ZMYM2: variants seen among roughly 807,000 people sequenced by gnomAD.
ZMYM2 encodes zinc finger MYM-type protein 2.
A neutral mutation model predicts 162.8 loss-of-function variants in ZMYM2; 56 were observed. That is an observed-to-expected ratio of 0.34 (90% CI 0.28 to 0.43). The LOEUF is 0.43. Ranked by LOEUF, ZMYM2 falls within the 20% of genes least tolerant of loss-of-function variation. The pLI, the probability that ZMYM2 is intolerant of heterozygous loss-of-function variation, is 1.00. For synonymous variants in ZMYM2, 510 were observed against 541.6 expected (o/e 0.94, Z 0.81); for missense variants, 1,275 against 1,621.8 (o/e 0.79, Z 3.67).
chr13:19,971,262 ATTTTTT>A (rs67460005), intron 2 of ZMYM2, among the ~76,000 whole-genome samples: 137 of 78,298 alleles, frequency 1.7e-3, no homozygotes, highest in East Asian at 5.1e-3. Flanking sequence ...ATATATATAT[ATTTTTT>A]TTTTTTTTTT....
At chr13:20,044,516 C>A (rs1954579023) in intron 12 of ZMYM2, among the ~76,000 whole-genome samples, 1 of 152,172 alleles carries the variant, frequency 6.6e-6, no homozygotes, top group African/African-American at 2.4e-5. Context: ...TACTCTCAGT[C>A]CCTCCGGGGC....
At chr13:19,959,254 C>T (rs1294546417) in intron 1 of ZMYM2, among the ~76,000 whole-genome samples, 5 of 111,622 alleles carry the variant, frequency 4.5e-5, no homozygotes, top group East Asian at 3.2e-4. Flanking sequence ...TTCTCTCCGG[C>T]GGGGGGCGGG....
At chr13:19,957,826 C>G (rs375250498), upstream of ZMYM2, among the ~76,000 whole-genome samples, 1 of 152,232 alleles carries the variant, frequency 6.6e-6, no homozygotes, top group African/African-American at 2.4e-5. Flanking sequence ...GCCCGCAGCT[C>G]CCTCCATCTT....
intron 9 of ZMYM2, among the ~76,000 whole-genome samples, chr13:20,029,220 C>A (rs1594452802): frequency 6.6e-6 from 1 of 152,198 alleles, no homozygotes; most frequent in African/African-American, 2.4e-5. Flanking sequence ...ATAGATGGTA[C>A]CTTCTTGCTG....
At chr13:19,895,789 C>G in the ZMYM2 span, among the ~76,000 whole-genome samples, 2 of 151,668 alleles carry the variant, frequency 1.3e-5, no homozygotes, top group Non-Finnish European at 2.9e-5. Flanking sequence ...GAATTAAAAG[C>G]AAGGACACAA....
intron 3 of ZMYM2, among the ~76,000 whole-genome samples, chr13:19,996,290 A>C (rs964616160): frequency 5.3e-5 from 8 of 152,180 alleles, no homozygotes; most frequent in Admixed American, 2.0e-4. Context: ...AATTTAAAAC[A>C]AGAGCTGGTG....
intron 18 of ZMYM2, among the ~76,000 whole-genome samples, chr13:20,063,956 A>G (rs1226384015): frequency 6.9e-6 from 1 of 145,800 alleles, no homozygotes; most frequent in Non-Finnish European, 1.5e-5. Context: ...TATAATATAT[A>G]TAGTTAGCTT....
chr13:19,900,987 GATAAATTGGTCTTGGTTTGCAGACAGCT>G, the ZMYM2 span, among the ~76,000 whole-genome samples: 1 of 152,144 alleles, frequency 6.6e-6, no homozygotes, highest in Non-Finnish European at 1.5e-5. Flanking sequence ...AAACAAAACA[GATAAATTGGTCTTGGTTTGCAGACAGCT>G]ATTCTCTTCT....
the ZMYM2 span, among the ~76,000 whole-genome samples, chr13:19,945,230 T>C: frequency 3.3e-5 from 5 of 152,142 alleles, no homozygotes; most frequent in South Asian, 8.3e-4. Context: ...AGCAATGTTA[T>C]ACATTTTAGA....
At chr13:20,027,155 T>G in intron 8 of ZMYM2, 48 bp from the exon 9 acceptor site, 1 of 1,409,400 alleles carries the variant, frequency 7.1e-7, no homozygotes, top group South Asian at 1.4e-5. Flanking sequence ...TAAAAAAACT[T>G]TTTTATTACT....
At chr13:20,038,575 A>G (rs979407820) in intron 12 of ZMYM2, among the ~76,000 whole-genome samples, 1 of 152,080 alleles carries the variant, frequency 6.6e-6, no homozygotes, top group African/African-American at 2.4e-5. Context: ...AAGATCAGAT[A>G]GTTGTAGGTG....
chr13:19,896,283 A>G, the ZMYM2 span, among the ~76,000 whole-genome samples: 4 of 151,476 alleles, frequency 2.6e-5, no homozygotes, highest in Admixed American at 1.3e-4. Flanking sequence ...AGCTGGGACT[A>G]CAATTGCATG....
At chr13:20,020,778 A>G (rs1040484336) in intron 7 of ZMYM2, among the ~76,000 whole-genome samples, 1 of 151,762 alleles carries the variant, frequency 6.6e-6, no homozygotes, top group African/African-American at 2.4e-5. Flanking sequence ...CTGTATCTTT[A>G]AGTTTGCTGA....
chr13:19,866,406 T>G, the ZMYM2 span, among the ~76,000 whole-genome samples: 1 of 151,816 alleles, frequency 6.6e-6, no homozygotes, highest in African/African-American at 2.4e-5. Context: ...TGGCTCACAC[T>G]TGTAATCCCA....
At chr13:19,973,285 A>G (rs1956484759) in intron 2 of ZMYM2, among the ~76,000 whole-genome samples, 1 of 152,144 alleles carries the variant, frequency 6.6e-6, no homozygotes, top group Non-Finnish European at 1.5e-5. Context: ...AAATTTTTTC[A>G]TGTAATGGAG....
At chr13:19,906,284 G>GTATA in the ZMYM2 span, among the ~76,000 whole-genome samples, 9,100 of 63,244 alleles carry the variant, frequency 0.14, 1,185 homozygotes, top group East Asian at 0.19. Flanking sequence ...TCAAAAAAAA[G>GTATA]TATATATATA....
At position 20,085,772 on chromosome 13, in the gene ZMYM2, T is replaced by A. The variant is rs770956352; in HGVS notation, c.3942-50T>A. On this transcript the variant is annotated intron_variant, in intron 24 of 24. Transcript: ENST00000610343. ...TTATTCTTGAAAAAAGAAAAAGTTG[T>A]GGAAATTTTGTGAAATTGACTTTTT... 4.8e-5 allele frequency: 74 copies of A among 1,538,404 alleles called. No individual in the cohort carries two copies. The East Asian group carries it at 1.6e-3, about 33-fold the overall frequency.
chr13:19,946,895 C>G, the ZMYM2 span, among the ~76,000 whole-genome samples: 1 of 152,126 alleles, frequency 6.6e-6, no homozygotes, highest in Non-Finnish European at 1.5e-5. Flanking sequence ...CATTTTATAT[C>G]CCATCAAGTA....
chr13:20,058,515 A>C, intron 14 of ZMYM2, 60 bp from the exon 15 acceptor site: 2 of 1,561,530 alleles, frequency 1.3e-6, no homozygotes, highest in Non-Finnish European at 1.7e-6. Flanking sequence ...CTTCATTGAC[A>C]CTAGGAAGTA....
Sources: gnomAD v4.1 joint callset for allele counts (sites outside exome capture counted in the v4.1 genomes callset) on GRCh38, gnomAD v4.1.1 for gene constraint, MANE v1.5 for transcripts, NCBI Gene and HGNC (gene_info 2026-07-23, HGNC 2026-07-21) for gene names.